The following EXPH5 variants were observed in gnomAD, a reference collection of about 807,000 sequenced individuals.
EXPH5 encodes exophilin 5, also known as exophilin-5.
Under a neutral mutation model 41.1 loss-of-function variants are expected in EXPH5, and 42 were observed. That is an observed-to-expected ratio of 1.02 (90% CI 0.80 to 1.32). The LOEUF (loss-of-function observed/expected upper bound fraction) is 1.32. Ranked by LOEUF, EXPH5 falls within the 40% of genes most tolerant of loss-of-function variation. The pLI, the probability that EXPH5 is intolerant of heterozygous loss-of-function variation, is 0.00. For missense variants in EXPH5, 2,298 were observed against 2,314.5 expected (o/e 0.99, Z 0.15); for synonymous variants, 798 against 833.5 (o/e 0.96, Z 0.73).
chr11:108,589,589 G>A (rs942215793), intron 1 of EXPH5, among the ~76,000 whole-genome samples: 3 of 152,178 alleles, frequency 2.0e-5, no homozygotes, highest in African/African-American at 7.2e-5. Flanking sequence ...TCCAGGCACC[G>A]TAACATCTGG....
rs2094133195 is a variant in EXPH5 at position 108,593,398 on chromosome 11, G to T, written c.119+20C>A. 6.2e-7 allele frequency: 1 copy of T among 1,604,560 alleles called. No individual in the cohort carries two copies. The highest frequency in any genetic ancestry group is 8.5e-7 in the Non-Finnish European group (1 of 1,171,940). On this transcript the variant is annotated intron_variant, in intron 1 of 5. Coordinates refer to ENST00000265843, the MANE Select transcript of EXPH5 (RefSeq NM_015065.3). ...TGCGGGACCCAGGCCCAGGACAAAA[G>T]AAATGAATTTGCTCTGTACCTGATC...
chr11:108,585,625 G>C (rs1238699108), intron 1 of EXPH5, among the ~76,000 whole-genome samples: 1 of 152,212 alleles, frequency 6.6e-6, no homozygotes, highest in Non-Finnish European at 1.5e-5. Context: ...GTAGTAGCCT[G>C]AATGACAAAG....
intron 1 of EXPH5, among the ~76,000 whole-genome samples, chr11:108,560,596 T>C (rs1452033638): frequency 6.6e-6 from 1 of 152,242 alleles, no homozygotes; most frequent in Non-Finnish European, 1.5e-5. Flanking sequence ...AAAACACACA[T>C]ATTGTTTTCA....
intron 1 of EXPH5, among the ~76,000 whole-genome samples, chr11:108,573,587 A>G (rs2094070196): frequency 6.6e-6 from 1 of 152,246 alleles, no homozygotes; most frequent in Non-Finnish European, 1.5e-5. Flanking sequence ...TGGTTGCTAC[A>G]GTCTTTTCCC....
At chr11:108,556,597 C>T (rs1279207842) in intron 1 of EXPH5, among the ~76,000 whole-genome samples, 4 of 152,118 alleles carry the variant, frequency 2.6e-5, no homozygotes, top group South Asian at 2.1e-4. Flanking sequence ...CTCAGCCTCC[C>T]GAGTAGCTGG....
upstream of EXPH5, among the ~76,000 whole-genome samples, chr11:108,596,077 C>T (rs182898365): frequency 2.0e-5 from 3 of 152,158 alleles, no homozygotes; most frequent in Non-Finnish European, 4.4e-5. Flanking sequence ...CACCTGTAGT[C>T]CCAGCTACTC....
intron 3 of EXPH5, among the ~76,000 whole-genome samples, chr11:108,532,481 T>C (rs537268651): frequency 1.4e-5 from 2 of 145,652 alleles, no homozygotes; most frequent in Admixed American, 7.0e-5. Context: ...TCCTAAAGTG[T>C]TGGGATTACA....
At chr11:108,523,076 A>C (rs911524220) in intron 4 of EXPH5, among the ~76,000 whole-genome samples, 1 of 151,932 alleles carries the variant, frequency 6.6e-6, no homozygotes, top group African/African-American at 2.4e-5. Context: ...TGGGTTTGCT[A>C]TGTTGCCCAG....
intron 1 of EXPH5, among the ~76,000 whole-genome samples, chr11:108,581,087 A>G (rs937592130): frequency 5.3e-5 from 8 of 152,168 alleles, no homozygotes; most frequent in Non-Finnish European, 1.2e-4. Flanking sequence ...CAGGTAGATC[A>G]CTTGAGCTCA....
intron 5 of EXPH5, among the ~76,000 whole-genome samples, chr11:108,515,468 A>G (rs1360273095): frequency 1.2e-5 from 1 of 80,522 alleles, no homozygotes; most frequent in African/African-American, 1.4e-4. Context: ...TGGATATATA[A>G]TATTATTAAA....
upstream of EXPH5, among the ~76,000 whole-genome samples, chr11:108,597,674 G>A (rs539636900): frequency 2.0e-5 from 3 of 152,292 alleles, no homozygotes; most frequent in African/African-American, 7.2e-5. Flanking sequence ...CAACAAATCA[G>A]AGGTACCTGC....
chr11:108,568,752 G>A (rs2846406), intron 1 of EXPH5, among the ~76,000 whole-genome samples: 151,923 of 152,232 alleles, frequency 1, 75,808 homozygotes, highest in Middle Eastern at 1. Context: ...GTTCATATGA[G>A]CTCTCCTTTC....
intron 1 of EXPH5, among the ~76,000 whole-genome samples, chr11:108,545,304 C>T (rs575803572): frequency 2.6e-5 from 4 of 152,110 alleles, no homozygotes; most frequent in African/African-American, 7.2e-5. Flanking sequence ...GTCCTAGCTA[C>T]GTGGGATGCT....
intron 4 of EXPH5, among the ~76,000 whole-genome samples, chr11:108,521,659 T>A (rs907835955): frequency 6.6e-6 from 1 of 152,216 alleles, no homozygotes; most frequent in Non-Finnish European, 1.5e-5. Context: ...CATCAAAGTG[T>A]TCCCTTTTGT....
chr11:108,578,187 T>A (rs2094086052), intron 1 of EXPH5, among the ~76,000 whole-genome samples: 1 of 152,214 alleles, frequency 6.6e-6, no homozygotes, highest in Non-Finnish European at 1.5e-5. Context: ...TTTAAGTCTT[T>A]AATCCACTTT....
At chr11:108,549,168 A>G (rs965165374) in intron 1 of EXPH5, among the ~76,000 whole-genome samples, 2 of 152,220 alleles carry the variant, frequency 1.3e-5, no homozygotes, top group African/African-American at 4.8e-5. Flanking sequence ...TTGACTCAAC[A>G]TATCACAAGG....
At chr11:108,528,016 C>A in intron 4 of EXPH5, 120 bp downstream of exon 4, 1 of 635,612 alleles carries the variant, frequency 1.6e-6, no homozygotes, top group Admixed American at 2.8e-5. Context: ...GGGAGAAATC[C>A]AAGCTTCTAA....
chr11:108,570,300 G>A (rs1048307689), intron 1 of EXPH5, among the ~76,000 whole-genome samples: 1 of 151,864 alleles, frequency 6.6e-6, no homozygotes, highest in African/African-American at 2.4e-5. Flanking sequence ...TGTCTCCCAG[G>A]CTGGAGTGCA....
chr11:108,597,184 C>G (rs182872958), upstream of EXPH5, among the ~76,000 whole-genome samples: 485 of 151,830 alleles, frequency 3.2e-3, 1 homozygote, highest in Non-Finnish European at 4.7e-3. Context: ...GCTTGAATGT[C>G]TGATTTTTTT....
Sources: allele counts gnomAD v4.1 joint callset (sites outside exome capture counted in the v4.1 genomes callset), GRCh38; gene constraint gnomAD v4.1.1; transcripts MANE v1.5; gene names NCBI Gene and HGNC (gene_info 2026-07-23, HGNC 2026-07-21).